The following MC2R variants were observed in gnomAD, a reference collection of about 807,000 sequenced individuals.
MC2R encodes adrenocorticotropic hormone receptor.
MC2R carries 9 observed loss-of-function variants against 9.8 expected under a neutral mutation model. The ratio of observed to expected loss-of-function variants is 0.92; its 90% CI spans 0.55 to 1.60. The LOEUF is 1.60. Among genes scored for constraint, MC2R ranks in the 40% most tolerant of loss-of-function variants. The pLI is 0.00. For missense variants in MC2R, 370 were observed against 389.0 expected, an observed-to-expected ratio of 0.95 and a Z score of 0.41; for synonymous variants, 185 against 154.7, an observed-to-expected ratio of 1.20 and a Z score of -1.45.
rs565230771 is a variant in MC2R at position 13,900,403 on chromosome 18, T to C, written c.-128-14757A>G. Among the ~76,000 whole-genome samples, 3 of 152,168 alleles carry C rather than the reference T, an allele frequency of 2.0e-5. No homozygotes were observed. In the East Asian group the frequency reaches 5.8e-4, roughly 29 times the overall value. On this transcript the variant is annotated intron_variant, in intron 1 of 1. Coordinates refer to ENST00000327606, the MANE Select transcript of MC2R (RefSeq NM_000529.2). ...AATGGCAGGAGTAAGTCCTTACTTA[T>C]CAATAATAATATTGAATGTAAATGG...
At chr18:13,897,340 C>T (rs2045352089) in intron 1 of MC2R, among the ~76,000 whole-genome samples, 1 of 152,148 alleles carries the variant, frequency 6.6e-6, no homozygotes, top group East Asian at 1.9e-4. Context: ...CAGGGGGAAT[C>T]GCTGACCCCA....
chr18:13,903,385 C>A (rs777087757), intron 1 of MC2R, among the ~76,000 whole-genome samples: 6 of 152,172 alleles, frequency 3.9e-5, no homozygotes, highest in Non-Finnish European at 5.9e-5. Context: ...GAAGAGGTAT[C>A]TCCACTCCTA....
intron 1 of MC2R, among the ~76,000 whole-genome samples, chr18:13,899,361 G>A (rs764768282): frequency 1.3e-5 from 2 of 152,120 alleles, no homozygotes; most frequent in Non-Finnish European, 2.9e-5. Context: ...CATGCCTATA[G>A]GATGTAGAAA....
chr18:13,908,619 C>T (rs186548277), intron 1 of MC2R, among the ~76,000 whole-genome samples: 11 of 152,072 alleles, frequency 7.2e-5, no homozygotes, highest in Admixed American at 3.3e-4. Context: ...ATCAAATTAT[C>T]ACATGTACCC....
intron 1 of MC2R, among the ~76,000 whole-genome samples, chr18:13,895,733 G>T (rs2045342340): frequency 1.3e-5 from 2 of 152,210 alleles, no homozygotes; most frequent in East Asian, 1.9e-4. Context: ...CTCCAGGGGT[G>T]GTTAGCACCC....
At chr18:13,897,030 A>G (rs2045349661) in intron 1 of MC2R, among the ~76,000 whole-genome samples, 1 of 152,214 alleles carries the variant, frequency 6.6e-6, no homozygotes, top group African/African-American at 2.4e-5. Flanking sequence ...CTATCTACAT[A>G]GGAAAAACAC....
chr18:13,885,344 T>C lies in MC2R; in HGVS notation c.175A>G (p.Met59Val), dbSNP rs545212017. 1.7e-5 allele frequency: 27 copies of C among 1,614,164 alleles called. No individual in the cohort carries two copies. In the Middle Eastern group the frequency reaches 6.6e-4, roughly 39 times the overall value. The part of the protein sequence containing the change: ...VFKNKNLQAP[M>V]YFFICSLAIS... Reference sequence around the variant, plus strand: ...GCCAAGCTACAGATGAAAAAGTACATGGGTGCCTGGAGATTCTTATTCTTG... The same window carrying C: ...GCCAAGCTACAGATGAAAAAGTACACGGGTGCCTGGAGATTCTTATTCTTG... Residue 59 changes from methionine (M) to valine (V), a missense_variant, in exon 2 of 2, where the codon ATG becomes GTG. Transcript: ENST00000327606.
At chr18:13,913,377 C>T (rs957113939) in intron 1 of MC2R, among the ~76,000 whole-genome samples, 1 of 152,314 alleles carries the variant, frequency 6.6e-6, no homozygotes. Flanking sequence ...CACACAAACG[C>T]TTGCTGCCCC....
chr18:13,905,587 C>T (rs1465086540), intron 1 of MC2R, among the ~76,000 whole-genome samples: 1 of 151,904 alleles, frequency 6.6e-6, no homozygotes, highest in African/African-American at 2.4e-5. Flanking sequence ...ATTAAAAAGT[C>T]AGGAAACAAT....
At chr18:13,908,151 T>G (rs1367113129) in intron 1 of MC2R, among the ~76,000 whole-genome samples, 1 of 152,230 alleles carries the variant, frequency 6.6e-6, no homozygotes, top group Non-Finnish European at 1.5e-5. Flanking sequence ...AGTGAATGAA[T>G]GAATAAAATG....
chr18:13,885,034 C>G lies in MC2R; in HGVS notation c.485G>C (p.Gly162Ala). ...ATGGGAGAAGATCACCATGGTGATG[C>G]CAGTCCCCGTGCAGAACGTCCAGAT... Reference protein sequence around the residue: ...TVIWTFCTGTGITMVIFSHHV... With the variant: ...TVIWTFCTGTAITMVIFSHHV... Residue 162 changes from glycine to alanine, a missense_variant, in exon 2 of 2, where the codon GGC becomes GCC. Gly to Ala is a moderately conservative substitution (Grantham distance 60). Coordinates refer to ENST00000327606, the MANE Select transcript of MC2R (RefSeq NM_000529.2). 2 of 1,614,118 alleles carry G rather than the reference C, an allele frequency of 1.2e-6. No individual in the cohort carries two copies. The highest frequency in any genetic ancestry group is 1.7e-6 in the Non-Finnish European group (2 of 1,180,044).
Position 13,885,195 on chromosome 18 carries a change from G to A in MC2R, c.324C>T (p.Ser108=). Residue 108 remains serine (S), a synonymous_variant, in exon 2 of 2, where the codon TCC becomes TCT. Transcript: ENST00000327606. ...AGCCAAGCAGGGAGAGGACAAACAG[G>A]GAGTCGATGATGTCATCGGCTGTGG... ...FETTADDIID[S]LFVLSLLGSI... 1 of 1,614,140 alleles carries A rather than the reference G, an allele frequency of 6.2e-7. No homozygotes were observed. The highest frequency in any genetic ancestry group is 1.1e-5 in the South Asian group (1 of 91,076).
At chr18:13,913,185 G>C (rs1277937510) in intron 1 of MC2R, among the ~76,000 whole-genome samples, 2 of 151,876 alleles carry the variant, frequency 1.3e-5, no homozygotes, top group African/African-American at 4.8e-5. Context: ...GCCCAGGCTG[G>C]AGTGTTCTGG....
At chr18:13,902,181 G>A (rs752671551) in intron 1 of MC2R, among the ~76,000 whole-genome samples, 19 of 152,030 alleles carry the variant, frequency 1.2e-4, no homozygotes, top group African/African-American at 2.4e-4. Flanking sequence ...CTGAAAAAGC[G>A]TTTGGTAAAA....
Position 13,885,108 on chromosome 18 carries a change from C to T in MC2R, c.411G>A (p.Arg137=). Residue 137 remains arginine (R), a synonymous_variant, in exon 2 of 2, where the codon CGG becomes CGA. Coordinates refer to ENST00000327606, the MANE Select transcript of MC2R (RefSeq NM_000529.2). ...GGCGCATGGTCACGATGCTGTGGTA[C>T]CGCAGTGCGTGGAAGATGGTGATGT... is the stretch of plus-strand genomic sequence containing the variant. ...DRYITIFHAL[R]YHSIVTMRRT... is the part of the protein sequence containing the mutation. 1 of 1,614,130 alleles carries T rather than the reference C, an allele frequency of 6.2e-7. No individual in the cohort carries two copies. Among genetic ancestry groups the T allele is most frequent in the Non-Finnish European group, 8.5e-7 (1 of 1,180,036 alleles).
chr18:13,904,229 A>AC (rs2045397866), intron 1 of MC2R, among the ~76,000 whole-genome samples: 1 of 151,128 alleles, frequency 6.6e-6, no homozygotes, highest in East Asian at 1.9e-4. Context: ...AAAAAAAAAA[A>AC]ACTTAGGCAG....
chr18:13,900,847 G>A lies in MC2R; in HGVS notation c.-129+14641C>T, dbSNP rs187352301. Among the ~76,000 whole-genome samples, 1,270 of 152,170 alleles carry A rather than the reference G, an allele frequency of 8.3e-3. 3 individuals are homozygous for A. Among genetic ancestry groups the A allele is most frequent in the Non-Finnish European group, 0.012 (803 of 67,954 alleles). On this transcript the variant is annotated intron_variant, in intron 1 of 1. Transcript: ENST00000327606. ...CAGCACTGGACAGATCTTCAAGGCA[G>A]AAAATCAACAAAGAAACATCAGATT...
chr18:13,898,940 C>G (rs2045363074), intron 1 of MC2R, among the ~76,000 whole-genome samples: 1 of 152,200 alleles, frequency 6.6e-6, no homozygotes, highest in Admixed American at 6.5e-5. Context: ...CAGTAAATAC[C>G]TGACTCTTCA....
chr18:13,886,366 C>A (rs1316044074), intron 1 of MC2R, among the ~76,000 whole-genome samples: 1 of 152,246 alleles, frequency 6.6e-6, no homozygotes, highest in Non-Finnish European at 1.5e-5. Flanking sequence ...CCCTCCCATC[C>A]TTCTCGTGAA....
Sources: gnomAD v4.1 joint callset for allele counts (sites outside exome capture counted in the v4.1 genomes callset) on GRCh38, gnomAD v4.1.1 for gene constraint, MANE v1.5 for transcripts, NCBI Gene and HGNC (gene_info 2026-07-23, HGNC 2026-07-21) for gene names.